FBXO42: variants seen among roughly 807,000 people sequenced by gnomAD.
The protein encoded by FBXO42 is F-box protein 42.
A neutral mutation model predicts 71.7 loss-of-function variants in FBXO42; 12 were observed. That is an observed-to-expected ratio of 0.17 (90% CI 0.11 to 0.27). The LOEUF is 0.27. Among genes scored for constraint, FBXO42 ranks in the 10% least tolerant of loss-of-function variants. The pLI is 1.00. For synonymous variants in FBXO42, 325 were observed against 327.5 expected (o/e 0.99, Z 0.08); for missense variants, 707 against 911.9 (o/e 0.78, Z 2.89).
intron 1 of FBXO42, among the ~76,000 whole-genome samples, chr1:16,346,612 C>T (rs371995474): frequency 1.1e-3 from 170 of 149,370 alleles, no homozygotes; most frequent in African/African-American, 4.0e-3. Flanking sequence ...GGTGTGAACC[C>T]GGGAAGCAGA....
chr1:16,305,759 T>C (rs369639248), intron 3 of FBXO42, 44 bp downstream of exon 3: 16 of 1,514,224 alleles, frequency 1.1e-5, no homozygotes, highest in African/African-American at 5.5e-5. Context: ...TCTGGAAATA[T>C]GACCACAGGC....
intron 4 of FBXO42, among the ~76,000 whole-genome samples, chr1:16,267,976 A>C (rs1246408890): frequency 6.6e-6 from 1 of 152,232 alleles, no homozygotes; most frequent in East Asian, 1.9e-4. Context: ...ATAGGGCAGC[A>C]CTTATCAGCT....
chr1:16,250,001 A>C lies in FBXO42; in HGVS notation c.*669T>G, dbSNP rs934587396. The C allele has an allele frequency of 1.3e-5, 2 of 152,254 alleles. No individual in the cohort carries two copies. The highest frequency in any genetic ancestry group is 4.8e-5 in the African/African-American group (2 of 41,468). The allele number at this position is 152,254 out of a possible 1,614,324, so 9.4% of individuals were successfully genotyped here. On this transcript the variant is annotated 3_prime_UTR_variant, in exon 10 of 10. Coordinates refer to ENST00000375592, the MANE Select transcript of FBXO42 (RefSeq NM_018994.3). This position sits in a 1 kb window ranked among gnomAD's most constrained non-coding sequence, Gnocchi z 4.7. ...AGAAGCACTCCAAAGACCAATGGAC[A>C]CTACTAGGCGGTCAGATGTTGGCTG... is the stretch of plus-strand genomic sequence containing the variant.
Position 16,251,481 on chromosome 1 carries a change from G to C in FBXO42, c.1343C>G (p.Thr448Arg). Residue 448 changes from threonine to arginine, a missense_variant, in exon 10 of 10, where the codon ACG becomes AGG. Around this residue, in one of 5 missense-constraint regions of FBXO42, gnomAD observed 482 missense variants for 587.1 expected, o/e 0.82. Transcript: ENST00000375592. This position sits in a 1 kb window ranked among gnomAD's most constrained non-coding sequence, Gnocchi z 4.5. ...CAAAGAAGAGCCACCCACAGCTGCC[G>C]TTCCTGGAGACAAACTCCCACCATT... ...ILNGGSLSPG[T>R]AAVGGSSLDS... The C allele has an allele frequency of 1.9e-6, 3 of 1,614,108 alleles. No individual in the cohort carries two copies. The highest frequency in any genetic ancestry group is 3.3e-5 in the Admixed American group (2 of 60,000).
In FBXO42 at chr1:16,284,191, G is replaced by A. The variant is rs905254140; in HGVS notation, c.502+10592C>T. 2.0e-5 allele frequency among the ~76,000 whole-genome samples: 3 copies of A among 152,124 alleles called. No homozygotes were observed. In the East Asian group the frequency reaches 5.8e-4, roughly 29 times the overall value. On this transcript the variant is annotated intron_variant, in intron 4 of 9. Transcript: ENST00000375592. The stretch of plus-strand genomic sequence containing the variant: ...AACATTCAACTTTCTAGAACCATTT[G>A]GCAAAGACTACAATGTACATAATTA...
intron 1 of FBXO42, among the ~76,000 whole-genome samples, chr1:16,321,610 GTCT>G (rs2100589251): frequency 1.3e-5 from 2 of 151,916 alleles, no homozygotes; most frequent in East Asian, 3.9e-4. Context: ...AGGCATCTTT[GTCT>G]TCTTAGTACT....
intron 3 of FBXO42, among the ~76,000 whole-genome samples, chr1:16,299,464 G>A (rs1189127173): frequency 6.6e-6 from 1 of 152,116 alleles, no homozygotes; most frequent in Non-Finnish European, 1.5e-5. Flanking sequence ...GGAAGGCACA[G>A]CCCAAAGTAT....
chr1:16,290,558 G>C (rs2082066600), intron 4 of FBXO42, among the ~76,000 whole-genome samples: 1 of 152,152 alleles, frequency 6.6e-6, no homozygotes, highest in South Asian at 2.1e-4. Flanking sequence ...CAGGCATGGT[G>C]GCACACACCT....
intron 1 of FBXO42, among the ~76,000 whole-genome samples, chr1:16,319,104 AG>A (rs1457407504): frequency 1.3e-5 from 2 of 152,200 alleles, no homozygotes; most frequent in African/African-American, 4.8e-5. Flanking sequence ...CACTGATGAA[AG>A]GAAGAATAAG....
rs78189872 is a variant in FBXO42 at position 16,306,061 on chromosome 1, C to T, written c.251-142G>A. On this transcript the variant is annotated intron_variant, in intron 2 of 9. Coordinates refer to ENST00000375592, the MANE Select transcript of FBXO42 (RefSeq NM_018994.3). ...TTTTTGAGATGGAGTCTCACTCTGT[C>T]GCCCAGGTTGGAGTGCAGTGGCACG... The T allele has an allele frequency of 1.3e-5, 8 of 618,406 alleles. 1 individual carries two copies. The highest frequency in any genetic ancestry group is 5.8e-5 in the East Asian group (2 of 34,606). The allele number at this position is 618,406 out of a possible 1,614,324, so 38.3% of individuals were successfully genotyped here.
At chr1:16,286,891 A>C (rs1289296391) in intron 4 of FBXO42, among the ~76,000 whole-genome samples, 1 of 152,122 alleles carries the variant, frequency 6.6e-6, no homozygotes, top group East Asian at 1.9e-4. Context: ...AATATGAGCA[A>C]ATCCCTTTGG....
At chr1:16,274,328 A>G (rs927996120) in intron 4 of FBXO42, among the ~76,000 whole-genome samples, 1 of 151,906 alleles carries the variant, frequency 6.6e-6, no homozygotes, top group Non-Finnish European at 1.5e-5. Flanking sequence ...AAAAAAAAAG[A>G]AAAGAAAAGA....
Position 16,252,143 on chromosome 1 carries a change from A to G in FBXO42, c.1038+145T>C. On this transcript the variant is annotated intron_variant, in intron 9 of 9. Transcript: ENST00000375592. The surrounding 1 kb of genome is among the most constrained non-coding windows in gnomAD (Gnocchi z 4.4). ...TTTTCCCATTTAGTGAGAAATGCCAAAGGAGCTATGGCTAATGTTCACCTC... is the reference window on the plus strand; with the variant it reads ...TTTTCCCATTTAGTGAGAAATGCCAGAGGAGCTATGGCTAATGTTCACCTC... The G allele has an allele frequency of 1.4e-6, 1 of 692,850 alleles. No homozygotes were observed. The highest frequency in any genetic ancestry group is 2.5e-6 in the Non-Finnish European group (1 of 399,538). 42.9% of individuals were successfully genotyped at this position (692,850 alleles called of 1,614,324 possible). A position where few individuals can be genotyped will look rare whatever the true frequency, so the allele number is the denominator to read the frequency against.
intron 3 of FBXO42, among the ~76,000 whole-genome samples, chr1:16,298,244 C>T (rs528655091): frequency 6.6e-6 from 1 of 151,998 alleles, no homozygotes; most frequent in East Asian, 1.9e-4. Context: ...AAAACAAAAA[C>T]ACCAAAGAAC....
intron 2 of FBXO42, among the ~76,000 whole-genome samples, chr1:16,313,366 AAGAAAG>A (rs1557597964): frequency 6.7e-6 from 1 of 149,262 alleles, no homozygotes; most frequent in Admixed American, 6.7e-5. Flanking sequence ...GAAAGAAAGA[AAGAAAG>A]AGAAAAGAAA....
chr1:16,331,646 T>TC (rs2082502226), intron 1 of FBXO42, among the ~76,000 whole-genome samples: 1 of 150,290 alleles, frequency 6.7e-6, no homozygotes, highest in Admixed American at 6.7e-5. Flanking sequence ...TCCCAGCTAT[T>TC]CAGAGGCTGA....
intron 4 of FBXO42, among the ~76,000 whole-genome samples, chr1:16,280,890 G>A (rs2081956507): frequency 1.3e-5 from 2 of 152,182 alleles, no homozygotes; most frequent in Non-Finnish European, 2.9e-5. Context: ...ATCACTTACT[G>A]GCTATGTGAT....
intron 1 of FBXO42, among the ~76,000 whole-genome samples, chr1:16,337,071 G>C (rs899727742): frequency 6.6e-6 from 1 of 152,180 alleles, no homozygotes; most frequent in African/African-American, 2.4e-5. Context: ...TTTCAGCTAA[G>C]AGTGCACAGC....
chr1:16,298,144 C>T (rs771362471), intron 3 of FBXO42, among the ~76,000 whole-genome samples: 11 of 149,448 alleles, frequency 7.4e-5, no homozygotes, highest in Non-Finnish European at 1.2e-4. Context: ...TAGAATCGCT[C>T]GAACCCGGGA....
Sources: gnomAD v4.1 joint callset for allele counts (sites outside exome capture counted in the v4.1 genomes callset) on GRCh38, gnomAD v4.1.1 for gene constraint, gnomAD v4.1.1 regional missense constraint, Gnocchi (gnomAD v3.1) non-coding constraint, MANE v1.5 for transcripts, NCBI Gene and HGNC (gene_info 2026-07-23, HGNC 2026-07-21) for gene names.